Variants in TULP4 observed in about 807,000 individuals in gnomAD.
TULP4 encodes the protein TUB like protein 4.
Under a neutral mutation model 129.0 loss-of-function variants are expected in TULP4, and 16 were observed. The observed-to-expected ratio is 0.12, with a 90% CI of 0.08 to 0.19. The LOEUF (loss-of-function observed/expected upper bound fraction) is 0.19. Ranked by LOEUF, TULP4 falls within the 10% of genes least tolerant of loss-of-function variation. TULP4 has a pLI of 1.00. For synonymous variants in TULP4, 998 were observed against 854.0 expected (o/e 1.17, Z -2.94); for missense variants, 1,842 against 2,059.1 (o/e 0.89, Z 2.04).
chr6:158,276,743 C>G (rs763719959), intron 1 of TULP4, among the ~76,000 whole-genome samples: 4 of 152,092 alleles, frequency 2.6e-5, no homozygotes, highest in Admixed American at 6.5e-5. Flanking sequence ...GCACTGCCTT[C>G]TCTGCAGACC....
chr6:158,268,464 A>G (rs1166586564), intron 1 of TULP4, among the ~76,000 whole-genome samples: 1 of 152,198 alleles, frequency 6.6e-6, no homozygotes, highest in Non-Finnish European at 1.5e-5. Flanking sequence ...ATAACAAAAT[A>G]CCTTAGACTG....
intron 1 of TULP4, among the ~76,000 whole-genome samples, chr6:158,349,464 C>T (rs1316236409): frequency 1.4e-5 from 2 of 145,708 alleles, no homozygotes; most frequent in Admixed American, 1.4e-4. Flanking sequence ...AGGCGCTCCT[C>T]ACCTCCCAGA....
chr6:158,428,630 CTTCA>C (rs1023750272), intron 2 of TULP4, among the ~76,000 whole-genome samples: 5 of 148,070 alleles, frequency 3.4e-5, no homozygotes, highest in Admixed American at 1.3e-4. Context: ...TTTTTTTTTT[CTTCA>C]TTCTGATTGA....
upstream of TULP4, among the ~76,000 whole-genome samples, chr6:158,308,367 A>G (rs192085787): frequency 0.019 from 2,896 of 152,100 alleles, 28 homozygotes; most frequent in Middle Eastern, 0.037. Flanking sequence ...TTTTCTTAGT[A>G]CAGAACAAAA....
intron 3 of TULP4, among the ~76,000 whole-genome samples, chr6:158,447,650 G>C (rs1021351879): frequency 1.3e-5 from 2 of 152,162 alleles, no homozygotes; most frequent in Non-Finnish European, 1.5e-5. Flanking sequence ...GTGCCACATA[G>C]CTATGGACTG....
At position 158,434,972 on chromosome 6, in the gene TULP4, C is replaced by CT. The variant is rs533787522; in HGVS notation, c.543+5076dup. On this transcript the variant is annotated intron_variant, in intron 3 of 13. Transcript: ENST00000367097. ...CCTTGTTCCTGCCAGTCTGGGGGAG[C>CT]TCCAAGAAGCAGCCCCCACACGTTT... is the stretch of plus-strand genomic sequence containing the variant. Among the ~76,000 whole-genome samples the CT allele has an allele frequency of 2.1e-3, 318 of 152,330 alleles. 1 individual carries two copies. The highest frequency in any genetic ancestry group is 3.4e-3 in the Admixed American group (52 of 15,306).
At chr6:158,437,464 G>A (rs1488507409) in intron 3 of TULP4, among the ~76,000 whole-genome samples, 1 of 152,146 alleles carries the variant, frequency 6.6e-6, no homozygotes, top group Non-Finnish European at 1.5e-5. Flanking sequence ...AGGAGGCTGA[G>A]GTGGGAGGAT....
chr6:158,456,109 C>T (rs147337252), intron 5 of TULP4, among the ~76,000 whole-genome samples: 14 of 152,214 alleles, frequency 9.2e-5, no homozygotes, highest in East Asian at 7.7e-4. Flanking sequence ...AGGAGGTAGA[C>T]GTTACCTTGT....
chr6:158,434,452 G>T (rs563651903), intron 3 of TULP4, among the ~76,000 whole-genome samples: 1 of 152,128 alleles, frequency 6.6e-6, no homozygotes, highest in Non-Finnish European at 1.5e-5. Context: ...AAATATCTGG[G>T]TCCTAAGTTG....
Position 158,502,602 on chromosome 6 carries a change from A to G in TULP4, c.2939A>G (p.Asn980Ser), listed in dbSNP as rs780968111. Residue 980 changes from asparagine (N) to serine (S), a missense_variant, in exon 13 of 14, where the codon AAT (asparagine) becomes AGT (serine). By Grantham distance (46) the Asn-to-Ser change is conservative (BLOSUM62 1). This residue lies in a region of TULP4 where 1,089 missense variants were observed against 987.1 expected (regional missense o/e 1.10). Transcript: ENST00000367097. ...CGGGGGGCTGCCCAGAGGTCCGACA[A>G]TAGCCTCATCCACGCTACCCTGCGG... ...QGRGAAQRSD[N>S]SLIHATLRRN... 54 of 1,600,788 alleles carry G rather than the reference A, an allele frequency of 3.4e-5. No homozygotes were observed. The highest frequency in any genetic ancestry group is 2.0e-4 in the South Asian group (18 of 90,950).
chr6:158,418,099 G>GT lies in TULP4; in HGVS notation c.381+4923dup, dbSNP rs35832683. On this transcript the variant is annotated intron_variant, in intron 2 of 13. Transcript: ENST00000367097. ...AGTTTCTGCCTTTTTGTGTGTGTGT[G>GT]TTTTTTTTTTTTTTTTTGGGAGCGG... 8.4e-3 allele frequency among the ~76,000 whole-genome samples: 1,132 copies of GT among 134,230 alleles called. 11 individuals carry two copies. The highest frequency in any genetic ancestry group is 0.048 in the East Asian group (220 of 4,566). 88.1% of individuals were successfully genotyped at this position (134,230 alleles called of 152,430 possible).
intron 1 of TULP4, among the ~76,000 whole-genome samples, chr6:158,342,631 G>A (rs545878822): frequency 7.2e-5 from 11 of 152,314 alleles, no homozygotes; most frequent in Non-Finnish European, 1.3e-4. Context: ...ATGCAAGACT[G>A]TGTGCTCAGT....
At chr6:158,452,007 T>C (rs1277299192) in intron 4 of TULP4, 127 bp from the exon 5 acceptor site, 1 of 1,410,046 alleles carries the variant, frequency 7.1e-7, no homozygotes, top group Non-Finnish European at 9.7e-7. Context: ...TCAGGTAGCA[T>C]CCCAATCCAG....
intron 1 of TULP4, among the ~76,000 whole-genome samples, chr6:158,398,139 G>T (rs919891753): frequency 1.3e-5 from 2 of 152,170 alleles, no homozygotes; most frequent in Non-Finnish European, 2.9e-5. Context: ...GGTCTGTGCT[G>T]GGCCTTTCTC....
intron 1 of TULP4, among the ~76,000 whole-genome samples, chr6:158,286,123 A>G (rs750113825): frequency 6.6e-6 from 1 of 152,250 alleles, no homozygotes; most frequent in Non-Finnish European, 1.5e-5. Context: ...GGAAAATTAC[A>G]AACTGCCATT....
intron 3 of TULP4, among the ~76,000 whole-genome samples, chr6:158,447,601 A>G (rs896564255): frequency 6.6e-6 from 1 of 152,208 alleles, no homozygotes; most frequent in African/African-American, 2.4e-5. Context: ...AGCAATAAAT[A>G]TTTACTGAGT....
intron 1 of TULP4, among the ~76,000 whole-genome samples, chr6:158,403,255 C>A (rs1190931456): frequency 6.6e-6 from 1 of 152,182 alleles, no homozygotes; most frequent in Non-Finnish European, 1.5e-5. Context: ...GTCTTCCATT[C>A]TACTGTTCCC....
At chr6:158,335,917 G>C (rs538274708) in intron 1 of TULP4, among the ~76,000 whole-genome samples, 1 of 152,212 alleles carries the variant, frequency 6.6e-6, no homozygotes, top group Non-Finnish European at 1.5e-5. Flanking sequence ...TGAATAATTT[G>C]TGTGTATGTT....
At chr6:158,486,495 G>A (rs1439718842) in intron 8 of TULP4, among the ~76,000 whole-genome samples, 3 of 152,116 alleles carry the variant, frequency 2.0e-5, no homozygotes, top group Non-Finnish European at 4.4e-5. Flanking sequence ...GGAGCTTGCA[G>A]TGAGCCGAGA....
Sources: gnomAD v4.1 joint callset for allele counts (sites outside exome capture counted in the v4.1 genomes callset) on GRCh38, gnomAD v4.1.1 for gene constraint, gnomAD v4.1.1 regional missense constraint, MANE v1.5 for transcripts, NCBI Gene and HGNC (gene_info 2026-07-23, HGNC 2026-07-21) for gene names.